Variants in KIF20B observed in about 807,000 individuals in gnomAD.
The protein encoded by KIF20B is kinesin family member 20B.
A neutral mutation model predicts 232.5 loss-of-function variants in KIF20B; 188 were observed. That is an observed-to-expected ratio of 0.81 (90% CI 0.72 to 0.91). KIF20B has a LOEUF of 0.91. KIF20B is among the 40% of genes least tolerant of loss of function. The pLI, the probability that KIF20B is intolerant of heterozygous loss-of-function variation, is 0.00. For synonymous variants in KIF20B, 712 were observed against 683.0 expected (o/e 1.04, Z -0.66); for missense variants, 2,154 against 2,055.9 (o/e 1.05, Z -0.92).
At chr10:89,753,191 TG>T (rs1251240075) in intron 25 of KIF20B, among the ~76,000 whole-genome samples, 1 of 152,104 alleles carries the variant, frequency 6.6e-6, no homozygotes, top group Non-Finnish European at 1.5e-5. Context: ...ATACAACATA[TG>T]GGGGAAACTT....
In KIF20B at chr10:89,738,220, G is replaced by C. The variant is rs11185863; in HGVS notation, c.3379G>C (p.Glu1127Gln). The change falls in exon 20 of 33, where the codon GAA (glutamate) becomes CAA (glutamine). Residue 1127 changes from glutamate to glutamine, a missense_variant. By Grantham distance (29) the Glu-to-Gln change is conservative. Transcript: ENST00000371728. ...AACTCTTATACAGCAGCTGAAAGAAGAATTGCAAGAAAAAAATGTTACTCT... is the reference window on the plus strand; with the variant it reads ...AACTCTTATACAGCAGCTGAAAGAACAATTGCAAGAAAAAAATGTTACTCT... ...KETLIQQLKE[E>Q]LQEKNVTLDV... 3,467 of 1,601,384 alleles carry C rather than the reference G, an allele frequency of 2.2e-3. 73 individuals carry two copies. The African/African-American group carries it at 0.041, about 19-fold the overall frequency.
chr10:89,719,354 A>T (rs1252269512), intron 12 of KIF20B, 65 bp from the exon 13 acceptor site: 1 of 1,145,492 alleles, frequency 8.7e-7, no homozygotes, highest in East Asian at 2.4e-5. Context: ...TTTATAAAAT[A>T]ATCATTTTCT....
At chr10:89,725,494 A>G (rs777901902) in intron 15 of KIF20B, among the ~76,000 whole-genome samples, 1 of 152,148 alleles carries the variant, frequency 6.6e-6, no homozygotes, top group Non-Finnish European at 1.5e-5. Flanking sequence ...TAAGAGACCT[A>G]AGACGTCATT....
At chr10:89,747,788 A>G (rs1841946284) in intron 23 of KIF20B, among the ~76,000 whole-genome samples, 1 of 152,078 alleles carries the variant, frequency 6.6e-6, no homozygotes, top group Admixed American at 6.5e-5. Flanking sequence ...CTAATGCTAG[A>G]TGACGAGTTA....
chr10:89,708,272 C>T (rs1037999793), intron 2 of KIF20B, among the ~76,000 whole-genome samples: 3 of 151,136 alleles, frequency 2.0e-5, no homozygotes, highest in Non-Finnish European at 4.4e-5. Context: ...AGTGCAATGG[C>T]GCCATCTTGG....
intron 8 of KIF20B, among the ~76,000 whole-genome samples, chr10:89,716,201 T>C (rs1564659103): frequency 6.6e-6 from 1 of 152,192 alleles, no homozygotes; most frequent in Non-Finnish European, 1.5e-5. Context: ...ATTTTCCGTT[T>C]GGCAGACTCT....
intron 31 of KIF20B, among the ~76,000 whole-genome samples, chr10:89,772,186 T>G (rs1248563484): frequency 6.6e-6 from 1 of 152,040 alleles, no homozygotes; most frequent in Non-Finnish European, 1.5e-5. Context: ...CTATTCTACT[T>G]CCCTAAAAGC....
intron 28 of KIF20B, among the ~76,000 whole-genome samples, chr10:89,761,264 T>A (rs1842232669): frequency 6.6e-6 from 1 of 152,112 alleles, no homozygotes. Flanking sequence ...GAGTGAAGAA[T>A]CTAGTAAGGT....
At chr10:89,740,198 C>G (rs1259778959) in intron 21 of KIF20B, among the ~76,000 whole-genome samples, 1 of 141,436 alleles carries the variant, frequency 7.1e-6, no homozygotes, top group Non-Finnish European at 1.5e-5. Context: ...AGTTTCTGCT[C>G]TGTTGAAGTC....
intron 29 of KIF20B, among the ~76,000 whole-genome samples, chr10:89,763,385 A>G (rs1842286013): frequency 6.6e-6 from 1 of 152,226 alleles, no homozygotes; most frequent in African/African-American, 2.4e-5. Context: ...ACATCAAATG[A>G]TGGTGGATTT....
In KIF20B at chr10:89,717,719, CAAAG is replaced by C. The variant is rs1554849470; in HGVS notation, c.1269_1271+1del. The C allele has an allele frequency of 6.3e-7, 1 of 1,584,314 alleles. No individual in the cohort carries two copies. The highest frequency in any genetic ancestry group is 8.6e-7 in the Non-Finnish European group (1 of 1,166,006). On this transcript the variant is annotated splice_donor_variant and coding_sequence_variant, in exon 11 of 33. Coordinates refer to ENST00000371728, the MANE Select transcript of KIF20B (RefSeq NM_001284259.2). LOFTEE classifies it high-confidence loss of function. ...AACGTCTTGAAGAATAGTGAAAAGT[CAAAG>C]TAAGTGTTTCTGAAAGTGTTATTAG...
At chr10:89,763,517 A>G (rs992846821) in intron 29 of KIF20B, among the ~76,000 whole-genome samples, 2 of 152,128 alleles carry the variant, frequency 1.3e-5, no homozygotes, top group Non-Finnish European at 2.9e-5. Context: ...GCTTGTGTAT[A>G]ATCTTTGTCA....
intron 5 of KIF20B, among the ~76,000 whole-genome samples, 172 bp downstream of exon 5, chr10:89,710,237 G>A (rs1842809780): frequency 6.7e-6 from 1 of 149,876 alleles, no homozygotes; most frequent in Admixed American, 6.6e-5. Flanking sequence ...TTTTGGCGGG[G>A]GAGGGACAGA....
intron 23 of KIF20B, among the ~76,000 whole-genome samples, chr10:89,750,393 A>G (rs1469240461): frequency 1.3e-5 from 2 of 152,148 alleles, no homozygotes; most frequent in Admixed American, 6.5e-5. Flanking sequence ...TAATCCTAGG[A>G]GGAATTCTGT....
chr10:89,740,531 T>G (rs35759279), intron 21 of KIF20B, among the ~76,000 whole-genome samples: 11,613 of 152,234 alleles, frequency 0.076, 583 homozygotes, highest in South Asian at 0.14. Context: ...GGACTGAAAT[T>G]TCCAACTCTA....
chr10:89,772,713 G>T lies in KIF20B; in HGVS notation c.5267G>T (p.Ser1756Ile), dbSNP rs1366281915. 1.9e-6 allele frequency: 3 copies of T among 1,580,222 alleles called. No individual in the cohort carries two copies. The Admixed American group carries it at 5.4e-5, about 29-fold the overall frequency. Residue 1756 changes from serine to isoleucine, a missense_variant, in exon 32 of 33, where the codon AGC (serine) becomes ATC (isoleucine). By Grantham distance (142) the Ser-to-Ile change is moderately radical (BLOSUM62 -2). Transcript: ENST00000371728. ...SKAKKIIETMSSSKLSNVEAS... is the reference protein window; with the variant it reads ...SKAKKIIETMISSKLSNVEAS... ...GCAAAGAAGATAATTGAAACAATGA[G>T]CTCTTCAAAGCTCTCAAATGTAGAA... is the stretch of plus-strand genomic sequence containing the variant.
intron 21 of KIF20B, 97 bp downstream of exon 21, chr10:89,739,193 T>C: frequency 7.9e-7 from 1 of 1,269,444 alleles, no homozygotes; most frequent in East Asian, 2.5e-5. Context: ...AATAGAACAT[T>C]TATCCACTTT....
At chr10:89,751,591 T>C (rs1036163758) in intron 24 of KIF20B, 120 bp downstream of exon 24, 7 of 961,518 alleles carry the variant, frequency 7.3e-6, no homozygotes, top group Admixed American at 6.0e-5. Context: ...GAAAAGTATT[T>C]GGTGTTTTTT....
chr10:89,767,296 A>G (rs1418919139), intron 29 of KIF20B, among the ~76,000 whole-genome samples: 2 of 151,094 alleles, frequency 1.3e-5, no homozygotes, highest in Non-Finnish European at 2.9e-5. Flanking sequence ...TCTGTCACCT[A>G]CATTAGGTAT....
Sources: gnomAD v4.1 joint callset for allele counts (sites outside exome capture counted in the v4.1 genomes callset) on GRCh38, gnomAD v4.1.1 for gene constraint, MANE v1.5 for transcripts, NCBI Gene and HGNC (gene_info 2026-07-23, HGNC 2026-07-21) for gene names.